Variants in TIAM1 observed in about 807,000 individuals in gnomAD.
TIAM1 encodes TIAM Rac1 associated GEF 1.
In TIAM1, 65 loss-of-function variants were observed where a neutral mutation model predicts 163.5. The observed-to-expected ratio is 0.40, with a 90% CI of 0.33 to 0.49. TIAM1 has a LOEUF of 0.49. Among genes scored for constraint, TIAM1 ranks in the 20% least tolerant of loss-of-function variants. The probability of loss-of-function intolerance (pLI) is 0.77; values close to 1 mark genes in which losing one functional copy is unlikely to be tolerated. For synonymous variants in TIAM1, 833 were observed against 810.1 expected (o/e 1.03, Z -0.48); for missense variants, 1,789 against 2,044.7 (o/e 0.87, Z 2.41).
intron 1 of TIAM1, among the ~76,000 whole-genome samples, chr21:31,465,739 T>C (rs1412355394): frequency 2.0e-5 from 3 of 152,064 alleles, no homozygotes; most frequent in African/African-American, 7.2e-5. Flanking sequence ...CCCAGCGAAT[T>C]TTTTGTATTT....
At chr21:31,469,175 C>T (rs986285034) in intron 1 of TIAM1, among the ~76,000 whole-genome samples, 10 of 150,802 alleles carry the variant, frequency 6.6e-5, no homozygotes, top group African/African-American at 2.4e-4. Flanking sequence ...CTTGAACTCC[C>T]GTGCTGAGCT....
intron 2 of TIAM1, among the ~76,000 whole-genome samples, chr21:31,445,905 G>T (rs902555291): frequency 6.6e-6 from 1 of 151,808 alleles, no homozygotes; most frequent in African/African-American, 2.4e-5. Context: ...TTTACTTTTG[G>T]TTTTTTGAGG....
chr21:31,202,492 G>A (rs1326376313), intron 12 of TIAM1, among the ~76,000 whole-genome samples: 1 of 152,200 alleles, frequency 6.6e-6, no homozygotes, highest in Non-Finnish European at 1.5e-5. Context: ...CTTAAGCCCA[G>A]TAGTTCAAGG....
intron 2 of TIAM1, among the ~76,000 whole-genome samples, chr21:31,381,849 A>C (rs748140915): frequency 1.3e-5 from 2 of 152,168 alleles, no homozygotes; most frequent in Admixed American, 6.5e-5. Flanking sequence ...AAAAACAAAA[A>C]GAACAGACAC....
intron 1 of TIAM1, among the ~76,000 whole-genome samples, chr21:31,545,571 A>G (rs576263634): frequency 6.6e-6 from 1 of 152,282 alleles, no homozygotes; most frequent in African/African-American, 2.4e-5. Flanking sequence ...CATGATTGGG[A>G]CTGTGGATAT....
chr21:31,155,725 C>T (rs1318673696), intron 16 of TIAM1, among the ~76,000 whole-genome samples: 2 of 152,132 alleles, frequency 1.3e-5, no homozygotes, highest in East Asian at 3.9e-4. Context: ...AGGATGGTCT[C>T]AATCTGACCT....
intron 25 of TIAM1, among the ~76,000 whole-genome samples, chr21:31,127,480 G>A (rs1203740412): frequency 1.3e-5 from 2 of 150,058 alleles, no homozygotes; most frequent in Admixed American, 1.3e-4. Flanking sequence ...GTGCGGTGGT[G>A]TGATCTCAGC....
At chr21:31,393,281 A>T (rs1324259073) in intron 2 of TIAM1, among the ~76,000 whole-genome samples, 1 of 152,312 alleles carries the variant, frequency 6.6e-6, no homozygotes, top group African/African-American at 2.4e-5. Context: ...ACCAAGCCTC[A>T]GGTATTGCTT....
chr21:31,193,108 A>G (rs2085648574), intron 13 of TIAM1, among the ~76,000 whole-genome samples: 1 of 152,234 alleles, frequency 6.6e-6, no homozygotes, highest in Non-Finnish European at 1.5e-5. Flanking sequence ...TGCTAAGTAA[A>G]GAAGACTGGT....
intron 1 of TIAM1, among the ~76,000 whole-genome samples, chr21:31,467,491 C>A (rs1217278951): frequency 6.6e-6 from 1 of 151,338 alleles, no homozygotes; most frequent in Non-Finnish European, 1.5e-5. Context: ...CTGGGCGTGG[C>A]GACACATGCC....
intron 2 of TIAM1, among the ~76,000 whole-genome samples, chr21:31,305,437 A>C (rs2074671379): frequency 6.6e-6 from 1 of 151,826 alleles, no homozygotes; most frequent in Admixed American, 6.6e-5. Context: ...AAAAAAAAAA[A>C]ACAGTTCTTA....
intron 2 of TIAM1, among the ~76,000 whole-genome samples, chr21:31,316,944 T>A (rs1476103966): frequency 6.6e-6 from 1 of 152,162 alleles, no homozygotes; most frequent in East Asian, 1.9e-4. Context: ...CTAACTCAAA[T>A]GGCCAGGGAT....
At chr21:31,261,944 A>T (rs978825759) in intron 4 of TIAM1, among the ~76,000 whole-genome samples, 1 of 152,082 alleles carries the variant, frequency 6.6e-6, no homozygotes, top group African/African-American at 2.4e-5. Context: ...TCATCTCCCA[A>T]GTGGATGAAT....
At chr21:31,122,286 A>T (rs1221478637) in intron 27 of TIAM1, among the ~76,000 whole-genome samples, 2 of 152,176 alleles carry the variant, frequency 1.3e-5, no homozygotes, top group Non-Finnish European at 2.9e-5. Flanking sequence ...AAAAACAAAC[A>T]AACTCTGACT....
At chr21:31,550,176 T>C (rs984159281) in intron 1 of TIAM1, among the ~76,000 whole-genome samples, 2 of 151,690 alleles carry the variant, frequency 1.3e-5, no homozygotes, top group African/African-American at 4.8e-5. Flanking sequence ...CAAATACTTG[T>C]GCCATATTCA....
intron 1 of TIAM1, among the ~76,000 whole-genome samples, chr21:31,484,959 C>T (rs2046225743): frequency 6.6e-6 from 1 of 152,180 alleles, no homozygotes; most frequent in African/African-American, 2.4e-5. Flanking sequence ...CATGTAAGGA[C>T]TCAGTGAGAA....
rs572662857 is a variant in TIAM1, at chr21:31,404,478, C to T, written c.-369+59505G>A. ...ACACTGGTCAAATCCTACACTAAGT[C>T]CTATTTTAAAGAGGAAAAAAAAAAG... is the stretch of plus-strand genomic sequence containing the variant. On this transcript the variant is annotated intron_variant, in intron 2 of 28. Coordinates refer to the TIAM1 transcript ENST00000286827. 5.4e-4 allele frequency among the ~76,000 whole-genome samples: 79 copies of T among 146,560 alleles called. 2 individuals are homozygous for T. The South Asian group carries it at 0.016, about 31-fold the overall frequency.
chr21:31,201,285 C>T (rs1278687440), intron 12 of TIAM1, among the ~76,000 whole-genome samples: 2 of 152,118 alleles, frequency 1.3e-5, no homozygotes, highest in Non-Finnish European at 2.9e-5. Flanking sequence ...TGGCCTTTTC[C>T]CCAGGCCAGA....
rs1402908330 is a variant in TIAM1, at chr21:31,141,814, A to G, written c.3476-310T>C. On this transcript the variant is annotated intron_variant, in intron 20 of 27. Transcript: ENST00000541036. The surrounding 1 kb of genome is among the most constrained non-coding windows in gnomAD (Gnocchi z 4.7). ...CTCCTCCTATTACACATGTTTTTTT[A>G]TCCTGATGTTTTGACACCTGGGGCC... Among the ~76,000 whole-genome samples, 1 of 151,940 alleles carries G rather than the reference A, an allele frequency of 6.6e-6. No homozygotes were observed. The highest frequency in any genetic ancestry group is 1.5e-5 in the Non-Finnish European group (1 of 67,982).
Sources: gnomAD v4.1 joint callset for allele counts (sites outside exome capture counted in the v4.1 genomes callset) on GRCh38, gnomAD v4.1.1 for gene constraint, Gnocchi (gnomAD v3.1) non-coding constraint, MANE v1.5 for transcripts, NCBI Gene and HGNC (gene_info 2026-07-23, HGNC 2026-07-21) for gene names.